The following SLC11A2 variants were observed in gnomAD, a reference collection of about 807,000 sequenced individuals.
The protein encoded by SLC11A2 is natural resistance-associated macrophage protein 2.
A neutral mutation model predicts 68.0 loss-of-function variants in SLC11A2; 38 were observed. That is an observed-to-expected ratio of 0.56 (90% CI 0.43 to 0.73). The LOEUF (loss-of-function observed/expected upper bound fraction) is 0.73, where lower values mean the gene tolerates loss of function less well. Ranked by LOEUF, SLC11A2 falls within the 30% of genes least tolerant of loss-of-function variation. The pLI is 0.00. For missense variants in SLC11A2, 517 were observed against 690.5 expected (o/e 0.75, Z 2.82); for synonymous variants, 242 against 250.6 (o/e 0.97, Z 0.32).
Position 50,986,069 on chromosome 12 carries a change from C to T in SLC11A2, c.*2256G>A. ...TGGTTACTAAAAGCTCAGTTGTAACCACTCCTAACACCACTAGCAGAACCT... is the reference window on the plus strand; with the variant it reads ...TGGTTACTAAAAGCTCAGTTGTAACTACTCCTAACACCACTAGCAGAACCT... On this transcript the variant is annotated 3_prime_UTR_variant, in exon 16 of 16. Transcript: ENST00000262052. 3 of 1,277,440 alleles carry T rather than the reference C, an allele frequency of 2.3e-6. No homozygotes were observed. Among genetic ancestry groups the T allele is most frequent in the Non-Finnish European group, 3.0e-6 (3 of 985,130 alleles). The allele number at this position is 1,277,440 out of a possible 1,614,324, so 79.1% of individuals were successfully genotyped here.
downstream of SLC11A2, among the ~76,000 whole-genome samples, chr12:50,977,384 G>A (rs1365220592): frequency 1.2e-4 from 19 of 152,220 alleles, no homozygotes; most frequent in African/African-American, 3.4e-4. Flanking sequence ...TGACAAAAAC[G>A]AGAAATGGGG....
chr12:50,988,713 T>C (rs1414131485), intron 15 of SLC11A2, among the ~76,000 whole-genome samples: 5 of 152,166 alleles, frequency 3.3e-5, no homozygotes, highest in Non-Finnish European at 7.3e-5. Flanking sequence ...AAAATCTTTA[T>C]TATTATTTTA....
chr12:50,994,476 A>G (rs1941509927), intron 11 of SLC11A2, 68 bp downstream of exon 11: 2 of 1,034,556 alleles, frequency 1.9e-6, no homozygotes, highest in African/African-American at 3.1e-5. Context: ...TGAAGTCACA[A>G]AAAAGACCAC....
At chr12:50,957,335 T>C in the SLC11A2 span, among the ~76,000 whole-genome samples, 4 of 151,736 alleles carry the variant, frequency 2.6e-5, no homozygotes, top group East Asian at 3.9e-4. Context: ...TTCAGCTTCC[T>C]GAGTAAGCAT....
chr12:50,981,788 T>C (rs1565971627), downstream of SLC11A2: 1 of 1,530,836 alleles, frequency 6.5e-7, no homozygotes, highest in Admixed American at 2.0e-5. Context: ...GGCTGAGCTG[T>C]CAATCCCAGA....
chr12:50,959,506 T>C, the SLC11A2 span, among the ~76,000 whole-genome samples: 2 of 152,226 alleles, frequency 1.3e-5, no homozygotes, highest in Admixed American at 1.3e-4. Context: ...TGCATTTAAC[T>C]CTTACTTATC....
chr12:51,028,550 G>T, upstream of SLC11A2: 1 of 265,582 alleles, frequency 3.8e-6, no homozygotes, highest in Non-Finnish European at 7.1e-6. Flanking sequence ...GCCTGTGAGT[G>T]CCAGTGGTTG....
intron 1 of SLC11A2, among the ~76,000 whole-genome samples, chr12:51,016,971 C>T (rs1283256797): frequency 6.6e-6 from 1 of 151,636 alleles, no homozygotes; most frequent in African/African-American, 2.4e-5. Flanking sequence ...GTTGATCAGG[C>T]CACTGCATTC....
At chr12:51,021,183 C>T (rs1944019343) in intron 1 of SLC11A2, among the ~76,000 whole-genome samples, 1 of 152,188 alleles carries the variant, frequency 6.6e-6, no homozygotes, top group Admixed American at 6.5e-5. Context: ...GCAAATACTA[C>T]ACCATTTTAT....
At chr12:50,993,512 G>A (rs1941389264) in intron 11 of SLC11A2, among the ~76,000 whole-genome samples, 1 of 151,858 alleles carries the variant, frequency 6.6e-6, no homozygotes, top group East Asian at 1.9e-4. Context: ...AGGCAACATG[G>A]CAAATACCCT....
chr12:51,017,779 C>T (rs1017811496), intron 1 of SLC11A2, among the ~76,000 whole-genome samples: 1 of 152,128 alleles, frequency 6.6e-6, no homozygotes, highest in Non-Finnish European at 1.5e-5. Flanking sequence ...ACTAGTTTGT[C>T]TTAGTGCCAC....
chr12:51,010,096 A>T (rs1006748640), intron 2 of SLC11A2, among the ~76,000 whole-genome samples: 4 of 152,054 alleles, frequency 2.6e-5, no homozygotes, highest in African/African-American at 9.7e-5. Context: ...AGGCAGGAGA[A>T]TCCATTGAAC....
At chr12:50,994,783 T>A (rs1399065845) in intron 10 of SLC11A2, 153 bp from the exon 11 acceptor site, 2 of 659,504 alleles carry the variant, frequency 3.0e-6, no homozygotes, top group Non-Finnish European at 5.5e-6. Flanking sequence ...CTAGCAGCAA[T>A]GTTATCTAGG....
intron 1 of SLC11A2, among the ~76,000 whole-genome samples, chr12:51,022,077 C>T (rs1464321973): frequency 1.3e-5 from 2 of 152,164 alleles, no homozygotes; most frequent in African/African-American, 4.8e-5. Context: ...TAAAGTCTTA[C>T]TTCCAGTGAC....
chr12:51,017,064 T>G (rs1943716411), intron 1 of SLC11A2, among the ~76,000 whole-genome samples: 1 of 151,964 alleles, frequency 6.6e-6, no homozygotes, highest in Admixed American at 6.6e-5. Context: ...CTAACAAAAT[T>G]TTATTTTCTG....
At chr12:50,957,937 G>GGTGTGTGTGTGTGTGTGT in the SLC11A2 span, among the ~76,000 whole-genome samples, 375 of 132,482 alleles carry the variant, frequency 2.8e-3, 11 homozygotes, top group African/African-American at 6.9e-3. Flanking sequence ...ATGAATTGGA[G>GGTGTGTGTGTGTGTGTGT]GTGTGTGTGT....
chr12:50,981,840 T>G (rs888420361), downstream of SLC11A2: 4 of 1,238,500 alleles, frequency 3.2e-6, no homozygotes, highest in Non-Finnish European at 4.4e-6. Context: ...TAGACTGATT[T>G]TCACGTATTT....
chr12:51,027,051 C>G (rs1385338428), upstream of SLC11A2, among the ~76,000 whole-genome samples: 1 of 152,162 alleles, frequency 6.6e-6, no homozygotes, highest in East Asian at 1.9e-4. Flanking sequence ...TGGCGCATGC[C>G]TGTAATCCCA....
intron 2 of SLC11A2, among the ~76,000 whole-genome samples, chr12:51,010,367 A>C (rs1943112120): frequency 6.6e-6 from 1 of 150,452 alleles, no homozygotes; most frequent in Non-Finnish European, 1.5e-5. Flanking sequence ...AAAATACAAA[A>C]ATTAGCCGGG....
Sources: allele counts gnomAD v4.1 joint callset (sites outside exome capture counted in the v4.1 genomes callset), GRCh38; gene constraint gnomAD v4.1.1; transcripts MANE v1.5; gene names NCBI Gene and HGNC (gene_info 2026-07-23, HGNC 2026-07-21).